Variants in RARB observed in about 807,000 individuals in gnomAD.
RARB encodes the protein HBV-activated protein.
A neutral mutation model predicts 51.9 loss-of-function variants in RARB; 17 were observed. The ratio of observed to expected loss-of-function variants is 0.33; its 90% CI spans 0.22 to 0.49. The LOEUF (loss-of-function observed/expected upper bound fraction) is 0.49. Ranked by LOEUF, RARB falls within the 20% of genes least tolerant of loss-of-function variation. RARB has a pLI of 0.99. For synonymous variants in RARB, 215 were observed against 195.4 expected, an observed-to-expected ratio of 1.10 and a Z score of -0.84; for missense variants, 369 against 550.8, an observed-to-expected ratio of 0.67 and a Z score of 3.30.
At chr3:24,998,277 GTTT>G (rs71622792) in intron 2 of RARB, among the ~76,000 whole-genome samples, 2 of 140,496 alleles carry the variant, frequency 1.4e-5, no homozygotes, top group African/African-American at 5.3e-5. Flanking sequence ...CTTGTAGTTT[GTTT>G]TTTTTTTTTT....
At chr3:25,296,334 T>C (rs1703913772) in intron 5 of RARB, among the ~76,000 whole-genome samples, 1 of 152,152 alleles carries the variant, frequency 6.6e-6, no homozygotes, top group Non-Finnish European at 1.5e-5. Flanking sequence ...TGGAAGTTCC[T>C]ACTTAGAGGA....
intron 5 of RARB, among the ~76,000 whole-genome samples, chr3:25,312,665 G>C (rs1451824486): frequency 6.6e-6 from 1 of 152,088 alleles, no homozygotes; most frequent in African/African-American, 2.4e-5. Context: ...CCAAACAATA[G>C]TTACAAAGTT....
At chr3:25,421,403 C>CTTTTTTTTTTTTTT (rs766378555) in intron 5 of RARB, among the ~76,000 whole-genome samples, 15 of 72,356 alleles carry the variant, frequency 2.1e-4, no homozygotes, top group Non-Finnish European at 2.6e-4. Context: ...TTCTTCTTTT[C>CTTTTTTTTTTTTTT]TTTTTTTTTT....
At chr3:25,462,162 G>C (rs1467554382) in intron 2 of RARB, 1 of 152,148 alleles carries the variant, frequency 6.6e-6, no homozygotes, top group Admixed American at 6.5e-5. Context: ...AAATTCAGGG[G>C]AGCTGGATTT....
intron 1 of RARB, among the ~76,000 whole-genome samples, chr3:24,836,758 G>T (rs1435812180): frequency 6.6e-6 from 1 of 152,194 alleles, no homozygotes; most frequent in Non-Finnish European, 1.5e-5. Flanking sequence ...AAATGCACAA[G>T]GAGAGGATTT....
chr3:25,519,025 C>G (rs1177055199), intron 3 of RARB, among the ~76,000 whole-genome samples: 1 of 152,186 alleles, frequency 6.6e-6, no homozygotes, highest in East Asian at 1.9e-4. Context: ...TTCACCTACA[C>G]AGAGTCACAG....
At chr3:25,297,182 A>C (rs2125425250) in intron 5 of RARB, among the ~76,000 whole-genome samples, 1 of 152,290 alleles carries the variant, frequency 6.6e-6, no homozygotes, top group East Asian at 1.9e-4. Context: ...ATCTTAGGAG[A>C]GGATTAATTG....
chr3:25,333,579 A>C (rs1226774577), intron 5 of RARB, among the ~76,000 whole-genome samples: 2 of 152,268 alleles, frequency 1.3e-5, no homozygotes, highest in Non-Finnish European at 2.9e-5. Context: ...AAACCTTAGA[A>C]GAAAACCTAG....
intron 4 of RARB, among the ~76,000 whole-genome samples, chr3:25,136,444 C>T (rs1437930013): frequency 1.3e-5 from 2 of 151,930 alleles, no homozygotes; most frequent in South Asian, 2.1e-4. Context: ...TTGCTTGGTT[C>T]TTACCCTAAT....
intron 1 of RARB, among the ~76,000 whole-genome samples, chr3:25,453,374 A>G (rs149765580): frequency 0.043 from 6,506 of 150,496 alleles, 173 homozygotes; most frequent in East Asian, 0.1. Flanking sequence ...CAGCCTCCCG[A>G]GTAGCTGGGA....
chr3:25,408,955 AC>A (rs1325145308), intron 5 of RARB, among the ~76,000 whole-genome samples: 4 of 152,056 alleles, frequency 2.6e-5, no homozygotes, highest in Non-Finnish European at 4.4e-5. Context: ...AACCGCTTGA[AC>A]CCAGGAGGAG....
chr3:25,104,964 C>G (rs1361235213), intron 3 of RARB, among the ~76,000 whole-genome samples: 1 of 152,102 alleles, frequency 6.6e-6, no homozygotes, highest in Non-Finnish European at 1.5e-5. Context: ...ATTTCTAAAT[C>G]TGAATGAGGG....
Position 24,910,840 on chromosome 3 carries a change from C to A in RARB, c.-380+52088C>A, listed in dbSNP as rs558776708. Among the ~76,000 whole-genome samples the A allele has an allele frequency of 1.1e-4, 17 of 152,306 alleles. No homozygotes were observed. In the South Asian group the frequency reaches 3.5e-3, roughly 32 times the overall value. ...TGCTGCTGCTGCATTACACTGGCTA[C>A]AACTCAGTTTTGTGGCTACTCCTGA... is the stretch of plus-strand genomic sequence containing the variant. On this transcript the variant is annotated intron_variant, in intron 2 of 11. Transcript: ENST00000383772.
At chr3:25,298,939 C>T (rs1215329222) in intron 5 of RARB, among the ~76,000 whole-genome samples, 1 of 152,160 alleles carries the variant, frequency 6.6e-6, no homozygotes, top group Non-Finnish European at 1.5e-5. Context: ...CATATTAAGA[C>T]TCCCTTGTAT....
chr3:25,556,338 C>T (rs1232961058), intron 3 of RARB, among the ~76,000 whole-genome samples: 2 of 152,140 alleles, frequency 1.3e-5, no homozygotes, highest in African/African-American at 4.8e-5. Flanking sequence ...TATGCTGAGA[C>T]TGACCTGGGA....
intron 2 of RARB, among the ~76,000 whole-genome samples, chr3:24,886,898 T>C (rs1399433731): frequency 6.6e-6 from 1 of 152,246 alleles, no homozygotes; most frequent in African/African-American, 2.4e-5. Flanking sequence ...AGACCATGTG[T>C]CTACAAAACG....
At chr3:25,544,742 C>A (rs902620558) in intron 3 of RARB, among the ~76,000 whole-genome samples, 28 of 152,210 alleles carry the variant, frequency 1.8e-4, no homozygotes, top group African/African-American at 6.8e-4. Context: ...GGGCTGCTAC[C>A]TTCCCTGAGC....
intron 2 of RARB, among the ~76,000 whole-genome samples, chr3:24,925,333 G>A (rs1286815063): frequency 6.6e-6 from 1 of 151,912 alleles, no homozygotes; most frequent in African/African-American, 2.4e-5. Context: ...CCATTTTGTT[G>A]TAGATATGTC....
intron 2 of RARB, among the ~76,000 whole-genome samples, chr3:24,977,452 A>T (rs552308774): frequency 3.3e-5 from 5 of 152,212 alleles, no homozygotes; most frequent in Non-Finnish European, 5.9e-5. Context: ...AGTGGTTTGT[A>T]GTTCTCCTTG....
Sources: gnomAD v4.1 joint callset for allele counts (sites outside exome capture counted in the v4.1 genomes callset) on GRCh38, gnomAD v4.1.1 for gene constraint, MANE v1.5 for transcripts, NCBI Gene and HGNC (gene_info 2026-07-23, HGNC 2026-07-21) for gene names.